Variants in CSMD1 observed in about 807,000 individuals in gnomAD.
The protein encoded by CSMD1 is CUB and sushi domain-containing protein 1.
Under a neutral mutation model 417.5 loss-of-function variants are expected in CSMD1, and 213 were observed. That is an observed-to-expected ratio of 0.51 (90% CI 0.46 to 0.57). The LOEUF (loss-of-function observed/expected upper bound fraction) is 0.57. Ranked by LOEUF, CSMD1 falls within the 20% of genes least tolerant of loss-of-function variation. The probability of loss-of-function intolerance (pLI) is 0.00; values close to 1 mark genes in which losing one functional copy is unlikely to be tolerated. For missense variants in CSMD1, 6,923 were observed against 4,529.7 expected (o/e 1.53, Z -15.17); for synonymous variants, 2,862 against 1,736.8 (o/e 1.65, Z -16.11).
chr8:4,113,229 ATGT>A (rs1801952482), intron 3 of CSMD1, among the ~76,000 whole-genome samples: 7 of 152,178 alleles, frequency 4.6e-5, no homozygotes, highest in Admixed American at 3.9e-4. Context: ...AGTGGCTCCT[ATGT>A]GTTCAATTGA....
At chr8:4,199,170 G>T (rs1303092373) in intron 3 of CSMD1, among the ~76,000 whole-genome samples, 1 of 152,008 alleles carries the variant, frequency 6.6e-6, no homozygotes, top group Non-Finnish European at 1.5e-5. Flanking sequence ...CACAGCACTG[G>T]GGATGATCCT....
chr8:4,641,667 A>G (rs988356578), intron 1 of CSMD1, among the ~76,000 whole-genome samples: 1 of 152,202 alleles, frequency 6.6e-6, no homozygotes, highest in Non-Finnish European at 1.5e-5. Flanking sequence ...CTCCACGAAC[A>G]AACACAGCAG....
At chr8:4,340,868 T>A in intron 3 of CSMD1, among the ~76,000 whole-genome samples, 2 of 152,206 alleles carry the variant, frequency 1.3e-5, no homozygotes, top group African/African-American at 4.8e-5. Context: ...CTATTTTTGA[T>A]ATTAACTATT....
At chr8:3,038,523 G>A (rs553820580) in intron 50 of CSMD1, among the ~76,000 whole-genome samples, 11 of 152,100 alleles carry the variant, frequency 7.2e-5, no homozygotes, top group South Asian at 4.2e-4. Flanking sequence ...CTTCTAAAAC[G>A]TTCCTTAAAA....
At chr8:4,446,663 C>A (rs752901797) in intron 2 of CSMD1, among the ~76,000 whole-genome samples, 62 of 152,174 alleles carry the variant, frequency 4.1e-4, no homozygotes, top group African/African-American at 1.4e-3. Flanking sequence ...GAGCCATTCT[C>A]TGTCTCAGTC....
intron 7 of CSMD1, among the ~76,000 whole-genome samples, chr8:3,658,697 C>G (rs1210122696): frequency 1.3e-5 from 2 of 151,944 alleles, no homozygotes; most frequent in Non-Finnish European, 2.9e-5. Flanking sequence ...GCAGGGGAAA[C>G]ACTTGAACGC....
chr8:3,567,823 A>G (rs1799778782), intron 10 of CSMD1, among the ~76,000 whole-genome samples: 1 of 151,852 alleles, frequency 6.6e-6, no homozygotes, highest in African/African-American at 2.4e-5. Flanking sequence ...ATCCGTCACT[A>G]TTTGCTGTAT....
intron 34 of CSMD1, among the ~76,000 whole-genome samples, 185 bp downstream of exon 34, chr8:3,189,727 T>A (rs1042044184): frequency 6.6e-6 from 1 of 152,062 alleles, no homozygotes; most frequent in Non-Finnish European, 1.5e-5. Flanking sequence ...GATGATGAGT[T>A]GTTTTATGAA....
chr8:4,794,470 C>T (rs1197762145), intron 1 of CSMD1, among the ~76,000 whole-genome samples: 2 of 151,986 alleles, frequency 1.3e-5, no homozygotes, highest in Non-Finnish European at 2.9e-5. Flanking sequence ...TCTTAAAATC[C>T]AGTACAAAAT....
intron 2 of CSMD1, among the ~76,000 whole-genome samples, chr8:4,559,544 T>G (rs1369080053): frequency 2.6e-5 from 4 of 152,222 alleles, no homozygotes; most frequent in Non-Finnish European, 5.9e-5. Flanking sequence ...AAACTGATAT[T>G]CACTTTTGTT....
At chr8:3,273,514 T>C (rs1802034060) in intron 26 of CSMD1, among the ~76,000 whole-genome samples, 1 of 152,188 alleles carries the variant, frequency 6.6e-6, no homozygotes, top group Non-Finnish European at 1.5e-5. Context: ...ATGGTACAAA[T>C]TCCTCCTTGT....
At chr8:4,921,681 G>T (rs4442168) in intron 1 of CSMD1, among the ~76,000 whole-genome samples, 147,963 of 152,314 alleles carry the variant, frequency 0.97, 71,965 homozygotes, top group East Asian at 1. Context: ...TGTGTGTGTC[G>T]GTCTCTGTGT....
intron 2 of CSMD1, among the ~76,000 whole-genome samples, 193 bp downstream of exon 2, chr8:4,637,149 T>G (rs2130858264): frequency 6.6e-6 from 1 of 152,282 alleles, no homozygotes; most frequent in South Asian, 2.1e-4. Flanking sequence ...AACTCTTTGT[T>G]TCCCTGCCAT....
chr8:3,790,045 T>C (rs1470275064), intron 5 of CSMD1, among the ~76,000 whole-genome samples: 1 of 152,228 alleles, frequency 6.6e-6, no homozygotes, highest in Non-Finnish European at 1.5e-5. Context: ...ATGGTTAATA[T>C]TAATGTAAGA....
At chr8:3,565,953 G>C (rs935453749) in intron 10 of CSMD1, among the ~76,000 whole-genome samples, 1 of 152,052 alleles carries the variant, frequency 6.6e-6, no homozygotes, top group South Asian at 2.1e-4. Flanking sequence ...TCTTCCCAAC[G>C]TATACGCATT....
chr8:4,486,263 A>G (rs1459920359), intron 2 of CSMD1, among the ~76,000 whole-genome samples: 5 of 138,240 alleles, frequency 3.6e-5, no homozygotes, highest in African/African-American at 1.4e-4. Context: ...ATATATATAT[A>G]TATATATATA....
intron 41 of CSMD1, among the ~76,000 whole-genome samples, chr8:3,122,334 C>T (rs1341917127): frequency 6.6e-6 from 1 of 152,158 alleles, no homozygotes; most frequent in African/African-American, 2.4e-5. Context: ...GGTAAAGCTA[C>T]ATTATACCAT....
intron 1 of CSMD1, among the ~76,000 whole-genome samples, chr8:4,656,386 T>C (rs1475655668): frequency 2.0e-5 from 3 of 151,992 alleles, no homozygotes; most frequent in Non-Finnish European, 2.9e-5. Context: ...CAGATTTTAA[T>C]CTCAGTAAAG....
At chr8:3,430,467 T>C (rs1282756501) in intron 12 of CSMD1, among the ~76,000 whole-genome samples, 1 of 152,192 alleles carries the variant, frequency 6.6e-6, no homozygotes, top group Non-Finnish European at 1.5e-5. Context: ...GTTTATCAAG[T>C]AGATGATGGT....
Sources: allele counts gnomAD v4.1 joint callset (sites outside exome capture counted in the v4.1 genomes callset), GRCh38; gene constraint gnomAD v4.1.1; transcripts MANE v1.5; gene names NCBI Gene and HGNC (gene_info 2026-07-23, HGNC 2026-07-21).